Variants in SPAG16 observed in about 807,000 individuals in gnomAD.
The protein encoded by SPAG16 is sperm associated antigen 16.
In SPAG16, 86 loss-of-function variants were observed where a neutral mutation model predicts 80.4. The ratio of observed to expected loss-of-function variants is 1.07; its 90% CI spans 0.90 to 1.28. The LOEUF is 1.28. Ranked by LOEUF, SPAG16 falls within the 50% of genes most tolerant of loss-of-function variation. SPAG16 has a pLI of 0.00. For missense variants in SPAG16, 870 were observed against 765.3 expected (o/e 1.14, Z -1.61); for synonymous variants, 294 against 265.9 (o/e 1.11, Z -1.03).
chr2:213,356,867 CT>C (rs1269876785), intron 7 of SPAG16, among the ~76,000 whole-genome samples: 6 of 152,168 alleles, frequency 3.9e-5, no homozygotes, highest in Admixed American at 1.3e-4. Flanking sequence ...ATCTTTCCTG[CT>C]TTCTCTTGCG....
At chr2:213,587,975 A>C (rs903608560) in intron 10 of SPAG16, among the ~76,000 whole-genome samples, 3 of 152,248 alleles carry the variant, frequency 2.0e-5, no homozygotes, top group Non-Finnish European at 2.9e-5. Context: ...TGAAAAGTTT[A>C]GAATGATTGA....
intron 11 of SPAG16, among the ~76,000 whole-genome samples, chr2:213,870,880 C>T (rs956272886): frequency 1.3e-5 from 2 of 152,132 alleles, no homozygotes; most frequent in Non-Finnish European, 2.9e-5. Context: ...AGGTCTAGAT[C>T]TCACCCATCT....
intron 10 of SPAG16, among the ~76,000 whole-genome samples, chr2:213,721,898 T>C (rs929809031): frequency 6.6e-6 from 1 of 152,206 alleles, no homozygotes; most frequent in Admixed American, 6.5e-5. Context: ...TTAATAAAAG[T>C]TTATGCATTT....
intron 11 of SPAG16, among the ~76,000 whole-genome samples, chr2:213,871,416 TC>T (rs1376128248): frequency 6.6e-6 from 1 of 152,022 alleles, no homozygotes; most frequent in Non-Finnish European, 1.5e-5. Context: ...AAGAGTGAAC[TC>T]TTTTATGTTT....
At chr2:213,641,057 G>A (rs1333936727) in intron 10 of SPAG16, among the ~76,000 whole-genome samples, 6 of 152,170 alleles carry the variant, frequency 3.9e-5, no homozygotes, top group Admixed American at 2.0e-4. Flanking sequence ...AAACCATCAG[G>A]TCGGGGCAGG....
chr2:214,242,485 A>T (rs1240633318), intron 15 of SPAG16, among the ~76,000 whole-genome samples: 1 of 152,174 alleles, frequency 6.6e-6, no homozygotes, highest in East Asian at 1.9e-4. Flanking sequence ...CTTACACCAA[A>T]TTATTTTGAA....
intron 14 of SPAG16, among the ~76,000 whole-genome samples, chr2:214,136,688 C>A (rs536624242): frequency 2.0e-5 from 3 of 152,232 alleles, no homozygotes; most frequent in Admixed American, 1.3e-4. Context: ...TAAGCATTCC[C>A]AAATCTTACC....
At chr2:213,847,292 C>G (rs545597373) in intron 10 of SPAG16, among the ~76,000 whole-genome samples, 4 of 152,026 alleles carry the variant, frequency 2.6e-5, no homozygotes, top group African/African-American at 9.7e-5. Flanking sequence ...GAAGAAATAC[C>G]TGGGTATTTT....
intron 12 of SPAG16, among the ~76,000 whole-genome samples, chr2:214,011,183 A>G (rs1025556007): frequency 6.9e-6 from 1 of 145,714 alleles, no homozygotes; most frequent in African/African-American, 2.7e-5. Flanking sequence ...CCATAGAGCT[A>G]TAACTACAGT....
chr2:214,379,529 A>T (rs138509165), intron 15 of SPAG16, among the ~76,000 whole-genome samples: 132 of 152,344 alleles, frequency 8.7e-4, no homozygotes, highest in African/African-American at 3.0e-3. Context: ...TCTCCATGTG[A>T]CTTAAGGCTT....
intron 15 of SPAG16, among the ~76,000 whole-genome samples, chr2:214,179,922 G>A (rs1161194479): frequency 6.6e-6 from 1 of 151,436 alleles, no homozygotes; most frequent in Non-Finnish European, 1.5e-5. Context: ...ACATGTAAAT[G>A]GTGTTAGAAT....
intron 15 of SPAG16, among the ~76,000 whole-genome samples, chr2:214,318,307 A>G (rs1357031625): frequency 6.6e-6 from 1 of 151,646 alleles, no homozygotes; most frequent in Non-Finnish European, 1.5e-5. Context: ...GCAGTAGTGG[A>G]AGATCTGATT....
At chr2:214,343,119 A>G (rs1697816936) in intron 15 of SPAG16, among the ~76,000 whole-genome samples, 1 of 152,208 alleles carries the variant, frequency 6.6e-6, no homozygotes, top group South Asian at 2.1e-4. Flanking sequence ...AAAAAAAAGT[A>G]TAATAACTAT....
At chr2:213,698,686 G>A in intron 10 of SPAG16, among the ~76,000 whole-genome samples, 1 of 152,096 alleles carries the variant, frequency 6.6e-6, no homozygotes, top group Admixed American at 6.6e-5. Context: ...AATATACTCT[G>A]TTCTGTACAC....
At chr2:214,113,393 T>C (rs2053774778) in intron 14 of SPAG16, among the ~76,000 whole-genome samples, 1 of 152,242 alleles carries the variant, frequency 6.6e-6, no homozygotes, top group African/African-American at 2.4e-5. Flanking sequence ...GAAGTTCTCC[T>C]GGATAATGTC....
At chr2:213,290,693 A>C (rs532519679) in intron 1 of SPAG16, among the ~76,000 whole-genome samples, 2 of 152,308 alleles carry the variant, frequency 1.3e-5, no homozygotes, top group African/African-American at 4.8e-5. Flanking sequence ...GATTAGCTTA[A>C]TTGTATGGAT....
At chr2:214,207,178 C>A (rs1405079528) in intron 15 of SPAG16, among the ~76,000 whole-genome samples, 1 of 152,080 alleles carries the variant, frequency 6.6e-6, no homozygotes. Flanking sequence ...TAAGGGGTAC[C>A]ATTCTTCTAT....
intron 10 of SPAG16, among the ~76,000 whole-genome samples, chr2:213,740,156 A>G (rs772205167): frequency 3.9e-5 from 6 of 152,228 alleles, no homozygotes; most frequent in Non-Finnish European, 8.8e-5. Context: ...ATTTAATATC[A>G]TGTTACATCA....
chr2:213,723,188 AT>A (rs960205008), intron 10 of SPAG16, among the ~76,000 whole-genome samples: 4 of 152,140 alleles, frequency 2.6e-5, no homozygotes, highest in African/African-American at 9.7e-5. Context: ...TCTTGTTATA[AT>A]TAGATAAGCA....
Sources: allele counts gnomAD v4.1 joint callset (sites outside exome capture counted in the v4.1 genomes callset), GRCh38; gene constraint gnomAD v4.1.1; transcripts MANE v1.5; gene names NCBI Gene and HGNC (gene_info 2026-07-23, HGNC 2026-07-21).